OXTR: variants seen among roughly 807,000 people sequenced by gnomAD.
OXTR encodes the protein oxytocin receptor.
OXTR carries 19 observed loss-of-function variants against 23.9 expected under a neutral mutation model. That is an observed-to-expected ratio of 0.80 (90% CI 0.56 to 1.17). The LOEUF (loss-of-function observed/expected upper bound fraction) is 1.17. Among genes scored for constraint, OXTR ranks in the 50% most tolerant of loss-of-function variants. OXTR has a pLI of 0.00. For synonymous variants in OXTR, 278 were observed against 250.5 expected, an observed-to-expected ratio of 1.11 and a Z score of -1.04; for missense variants, 500 against 550.7, an observed-to-expected ratio of 0.91 and a Z score of 0.92.
chr3:8,748,114 AG>A (rs34389488), downstream of OXTR, among the ~76,000 whole-genome samples: 41,924 of 151,990 alleles, frequency 0.28, 6,510 homozygotes, highest in African/African-American at 0.41. Flanking sequence ...TAAGATACAT[AG>A]GGGACCACCA....
intron 3 of OXTR, among the ~76,000 whole-genome samples, chr3:8,757,806 G>A (rs1006535506): frequency 6.6e-6 from 1 of 152,144 alleles, no homozygotes; most frequent in African/African-American, 2.4e-5. Flanking sequence ...GGCATTTCTC[G>A]GAGGAGGAAG....
intron 1 of OXTR, 27 bp downstream of exon 1, chr3:8,769,204 G>T (rs201056441): frequency 6.6e-6 from 1 of 152,392 alleles, no homozygotes; most frequent in Non-Finnish European, 1.5e-5. Context: ...TAGCCATCCC[G>T]TCCACCCCTG....
At chr3:8,762,797 T>C (rs1380887269) in intron 3 of OXTR, among the ~76,000 whole-genome samples, 1 of 152,242 alleles carries the variant, frequency 6.6e-6, no homozygotes, top group Non-Finnish European at 1.5e-5. Context: ...CCAACGCTCC[T>C]GACAGATGTT....
chr3:8,745,646 C>A, downstream of OXTR: 1 of 1,614,148 alleles, frequency 6.2e-7, no homozygotes, highest in Non-Finnish European at 8.5e-7. The surrounding 1 kb of genome is among the most constrained non-coding windows in gnomAD (Gnocchi z 4.8). Context: ...GTTGTCCACG[C>A]TGCTGGGCGT....
At chr3:8,749,860 T>A (rs1398891447), downstream of OXTR, among the ~76,000 whole-genome samples, 1 of 152,196 alleles carries the variant, frequency 6.6e-6, no homozygotes, top group Non-Finnish European at 1.5e-5. Flanking sequence ...ATGTGGCTAC[T>A]GCAGCATGGA....
the OXTR span, among the ~76,000 whole-genome samples, chr3:8,744,445 A>ATT: frequency 8.6e-3 from 955 of 111,344 alleles, 8 homozygotes; most frequent in African/African-American, 0.032. Context: ...TACCCGGCTA[A>ATT]TTTTTTTTTT....
At chr3:8,766,100 C>G (rs539193483) in intron 3 of OXTR, among the ~76,000 whole-genome samples, 12 of 152,204 alleles carry the variant, frequency 7.9e-5, no homozygotes, top group Non-Finnish European at 1.6e-4. Flanking sequence ...GAAAGCAAAT[C>G]CTTTGGTCTT....
chr3:8,749,241 C>T (rs1708215644), downstream of OXTR, among the ~76,000 whole-genome samples: 1 of 152,136 alleles, frequency 6.6e-6, no homozygotes, highest in Non-Finnish European at 1.5e-5. Context: ...TTGAATGTCA[C>T]TTATTTGCCA....
intron 3 of OXTR, among the ~76,000 whole-genome samples, chr3:8,757,671 C>T (rs1708399431): frequency 6.6e-6 from 1 of 152,148 alleles, no homozygotes; most frequent in Non-Finnish European, 1.5e-5. Context: ...CATCTTGCCC[C>T]ACGATCGAGT....
In OXTR at chr3:8,753,156, G is replaced by A. The variant is rs201778590; in HGVS notation, c.991C>T (p.Leu331=). Residue 331 remains leucine, a synonymous_variant, in exon 4 of 4, where the codon CTG becomes TTG. Coordinates refer to ENST00000316793, the MANE Select transcript of OXTR (RefSeq NM_000916.4). ...NSCCNPWIYM[L]FTGHLFHELV... Reference sequence around the variant, plus strand: ...TCGTGGAAGAGGTGGCCCGTGAACAGCATGTAGATCCAGGGGTTGCAGCAG... The same window carrying A: ...TCGTGGAAGAGGTGGCCCGTGAACAACATGTAGATCCAGGGGTTGCAGCAG... The A allele has an allele frequency of 3.7e-6, 6 of 1,614,190 alleles. No homozygotes were observed. In the Admixed American group the frequency reaches 5.0e-5, roughly 13 times the overall value.
the OXTR span, among the ~76,000 whole-genome samples, chr3:8,741,591 A>G: frequency 2.0e-5 from 3 of 152,178 alleles, no homozygotes; most frequent in Non-Finnish European, 4.4e-5. Flanking sequence ...GAGGGAAAGT[A>G]CCATGCCCCA....
chr3:8,763,279 A>T (rs1708529352), intron 3 of OXTR, among the ~76,000 whole-genome samples: 1 of 152,146 alleles, frequency 6.6e-6, no homozygotes, highest in Admixed American at 6.5e-5. Context: ...CACACCATTT[A>T]ATCCTCACAT....
rs148209868 is a variant in OXTR at position 8,751,169 on chromosome 3, T to C, written c.*1808A>G. 1.2e-3 allele frequency: 190 copies of C among 152,384 alleles called. 2 individuals are homozygous for C. The highest frequency in any genetic ancestry group is 4.3e-3 in the African/African-American group (180 of 41,590). 9.4% of individuals were successfully genotyped at this position (152,384 alleles called of 1,614,324 possible). On this transcript the variant is annotated 3_prime_UTR_variant, in exon 4 of 4. Transcript: ENST00000316793. ...TTTTTTCATGTGCTTAGTAGCCATT[T>C]GCATATCTTCTTTGGAGAAATGTCT...
chr3:8,757,778 C>G (rs546585788), intron 3 of OXTR, among the ~76,000 whole-genome samples: 1 of 152,258 alleles, frequency 6.6e-6, no homozygotes, highest in Non-Finnish European at 1.5e-5. Flanking sequence ...CCGCGGGGGC[C>G]GCTGGCCTCA....
the OXTR span, chr3:8,742,360 CA>C: frequency 0.029 from 6,883 of 240,358 alleles, no homozygotes; most frequent in South Asian, 0.068. Context: ...CTGCAAACAC[CA>C]AAAAAAAAAA....
At chr3:8,745,969 G>C (rs1575478287), downstream of OXTR, 1 of 923,156 alleles carries the variant, frequency 1.1e-6, no homozygotes, top group East Asian at 2.6e-5. This position sits in a 1 kb window ranked among gnomAD's most constrained non-coding sequence, Gnocchi z 4.8. Context: ...TTTCTCTTTA[G>C]GGACTGCTCC....
At chr3:8,749,213 C>G (rs954430346), downstream of OXTR, among the ~76,000 whole-genome samples, 1 of 152,058 alleles carries the variant, frequency 6.6e-6, no homozygotes, top group African/African-American at 2.4e-5. Flanking sequence ...GGGTGTATAT[C>G]CAGTGGGGCT....
chr3:8,745,624 G>A (rs2124988406), downstream of OXTR: 1 of 1,614,144 alleles, frequency 6.2e-7, no homozygotes, highest in South Asian at 1.1e-5. The surrounding 1 kb of genome is among the most constrained non-coding windows in gnomAD (Gnocchi z 4.8). Context: ...CCAAGTACTG[G>A]TGCTACCGTC....
chr3:8,767,441 AGCCGCCGCGCCCTCTGGCGCCTCG>A lies in OXTR; in HGVS notation c.723_746del (p.Glu242_Ala249del), dbSNP rs759288042. 3.1e-6 allele frequency: 5 copies of A among 1,603,778 alleles called. No individual in the cohort carries two copies. Among genetic ancestry groups the A allele is most frequent in the South Asian group, 2.2e-5 (2 of 89,844 alleles). On this transcript the variant is annotated inframe_deletion, in exon 3 of 4. Transcript: ENST00000316793. ...CCAGGGCCACGCGCCCCCCATCGCC[AGCCGCCGCGCCCTCTGGCGCCTCG>A]GCCGCCGCCGCTGCAGCGGTCTTGA...
Sources: gnomAD v4.1 joint callset for allele counts (sites outside exome capture counted in the v4.1 genomes callset) on GRCh38, gnomAD v4.1.1 for gene constraint, Gnocchi (gnomAD v3.1) non-coding constraint, MANE v1.5 for transcripts, NCBI Gene and HGNC (gene_info 2026-07-23, HGNC 2026-07-21) for gene names.